The following GLIS3 variants were observed in gnomAD, a reference collection of about 807,000 sequenced individuals.
The protein encoded by GLIS3 is zinc finger protein GLIS3.
GLIS3 carries 53 observed loss-of-function variants against 78.6 expected under a neutral mutation model. That is an observed-to-expected ratio of 0.67 (90% CI 0.54 to 0.85). The LOEUF (loss-of-function observed/expected upper bound fraction) is 0.85, where lower values mean the gene tolerates loss of function less well. GLIS3 is among the 40% of genes least tolerant of loss of function. The probability of loss-of-function intolerance (pLI) is 0.00; values close to 1 mark genes in which losing one functional copy is unlikely to be tolerated. For synonymous variants in GLIS3, 684 were observed against 509.9 expected (o/e 1.34, Z -4.60); for missense variants, 1,703 against 1,231.1 (o/e 1.38, Z -5.74).
chr9:3,881,634 A>T (rs1821735351), intron 7 of GLIS3, among the ~76,000 whole-genome samples: 1 of 152,180 alleles, frequency 6.6e-6, no homozygotes, highest in Non-Finnish European at 1.5e-5. Flanking sequence ...ATCCCATTTA[A>T]CAGCCAGGAA....
intron 4 of GLIS3, among the ~76,000 whole-genome samples, chr9:3,948,772 A>G (rs1309026633): frequency 6.6e-6 from 1 of 152,200 alleles, no homozygotes; most frequent in Non-Finnish European, 1.5e-5. Context: ...ATAAAAAGTA[A>G]AAGAATGAGC....
chr9:3,910,207 T>C (rs1252656324), intron 6 of GLIS3, among the ~76,000 whole-genome samples: 1 of 152,216 alleles, frequency 6.6e-6, no homozygotes, highest in Admixed American at 6.5e-5. Flanking sequence ...TCACAGTCTC[T>C]TACTGTTTTT....
chr9:3,921,946 ACT>A (rs1554647318), intron 6 of GLIS3, among the ~76,000 whole-genome samples: 107 of 151,456 alleles, frequency 7.1e-4, no homozygotes, highest in Admixed American at 2.1e-3. Flanking sequence ...ACACACACAC[ACT>A]CACACTTCAC....
At chr9:3,954,681 T>G (rs760680391) in intron 4 of GLIS3, among the ~76,000 whole-genome samples, 28 of 152,228 alleles carry the variant, frequency 1.8e-4, no homozygotes, top group Non-Finnish European at 3.8e-4. Flanking sequence ...TTTTTCCAAT[T>G]AGGCCCTGTT....
chr9:4,052,754 G>A (rs1184388171), intron 4 of GLIS3, among the ~76,000 whole-genome samples: 1 of 151,990 alleles, frequency 6.6e-6, no homozygotes, highest in Non-Finnish European at 1.5e-5. Flanking sequence ...TCCATCTTTT[G>A]CCTATTATGA....
the GLIS3 span, among the ~76,000 whole-genome samples, chr9:4,484,400 G>T: frequency 7.6e-6 from 1 of 131,458 alleles, no homozygotes; most frequent in Admixed American, 8.5e-5. Context: ...ACCATGCCAG[G>T]CTAATTTTTT....
At chr9:3,832,684 A>G (rs1050825847) in intron 9 of GLIS3, among the ~76,000 whole-genome samples, 1 of 152,224 alleles carries the variant, frequency 6.6e-6, no homozygotes, top group African/African-American at 2.4e-5. Flanking sequence ...ACGTTAGCAT[A>G]AACCGCCATG....
At chr9:4,343,395 T>C (rs1817861253) in intron 2 of GLIS3, among the ~76,000 whole-genome samples, 1 of 152,126 alleles carries the variant, frequency 6.6e-6, no homozygotes, top group African/African-American at 2.4e-5. Context: ...AGAATGGCTA[T>C]TATAAAAGGT....
intron 4 of GLIS3, among the ~76,000 whole-genome samples, chr9:4,040,812 A>T (rs1448858048): frequency 6.6e-6 from 1 of 152,192 alleles, no homozygotes; most frequent in Non-Finnish European, 1.5e-5. Context: ...AACTGGGTCA[A>T]CTGGGTCATT....
At chr9:3,845,570 CA>C (rs1818977285) in intron 9 of GLIS3, among the ~76,000 whole-genome samples, 1 of 152,086 alleles carries the variant, frequency 6.6e-6, no homozygotes, top group Non-Finnish European at 1.5e-5. Context: ...TATAAAAAGT[CA>C]GTAAGAATTT....
chr9:4,111,240 G>C (rs1831188563), intron 4 of GLIS3, among the ~76,000 whole-genome samples: 1 of 152,078 alleles, frequency 6.6e-6, no homozygotes, highest in South Asian at 2.1e-4. Flanking sequence ...TGAACTAAAA[G>C]GAACATTAAC....
At chr9:4,152,089 A>G in intron 2 of GLIS3, 1 of 971,430 alleles carries the variant, frequency 1.0e-6, no homozygotes, top group Non-Finnish European at 1.2e-6. Context: ...CAAGTAACAC[A>G]ATATTTTTCT....
chr9:4,206,355 C>T (rs536037143), intron 2 of GLIS3, among the ~76,000 whole-genome samples: 1 of 152,224 alleles, frequency 6.6e-6, no homozygotes, highest in African/African-American at 2.4e-5. Flanking sequence ...CACAGGATCT[C>T]TTTCACCAAA....
chr9:4,426,337 G>T, the GLIS3 span, among the ~76,000 whole-genome samples: 1 of 152,220 alleles, frequency 6.6e-6, no homozygotes. Flanking sequence ...TGCTCCAAAG[G>T]TCTTCATCTG....
At chr9:4,347,294 G>A (rs972517101) in intron 1 of GLIS3, 3 of 152,040 alleles carry the variant, frequency 2.0e-5, no homozygotes, top group South Asian at 2.1e-4. Context: ...ACCCCTCCTC[G>A]GGGAGGGCAT....
At chr9:4,067,651 T>C (rs1827212077) in intron 4 of GLIS3, among the ~76,000 whole-genome samples, 1 of 151,840 alleles carries the variant, frequency 6.6e-6, no homozygotes, top group Admixed American at 6.6e-5. Context: ...GAGCAAACAC[T>C]CACAAAGGGG....
intron 2 of GLIS3, among the ~76,000 whole-genome samples, chr9:4,148,677 C>T (rs1212999406): frequency 6.6e-6 from 1 of 152,044 alleles, no homozygotes; most frequent in Non-Finnish European, 1.5e-5. Flanking sequence ...AGGTAATGCC[C>T]ACACCATACC....
At chr9:4,011,034 C>G (rs1174276494) in intron 4 of GLIS3, among the ~76,000 whole-genome samples, 1 of 152,090 alleles carries the variant, frequency 6.6e-6, no homozygotes, top group South Asian at 2.1e-4. Flanking sequence ...AGGAGCTCAG[C>G]GGGGAGTGGA....
At chr9:4,127,002 A>G (rs1395071053) in intron 2 of GLIS3, among the ~76,000 whole-genome samples, 15 of 152,182 alleles carry the variant, frequency 9.9e-5, no homozygotes, top group Non-Finnish European at 1.5e-4. Flanking sequence ...GTTTTCCCCA[A>G]AATTAAATCA....
Sources: gnomAD v4.1 joint callset for allele counts (sites outside exome capture counted in the v4.1 genomes callset) on GRCh38, gnomAD v4.1.1 for gene constraint, MANE v1.5 for transcripts, NCBI Gene and HGNC (gene_info 2026-07-23, HGNC 2026-07-21) for gene names.